The following ERICH6 variants were observed in gnomAD, a reference collection of about 807,000 sequenced individuals.
The protein encoded by ERICH6 is glutamate rich 6, also known as glutamate-rich protein 6.
ERICH6 carries 71 observed loss-of-function variants against 71.0 expected under a neutral mutation model. That is an observed-to-expected ratio of 1.00 (90% confidence interval 0.83 to 1.22). The LOEUF (loss-of-function observed/expected upper bound fraction) is 1.22, where lower values mean the gene tolerates loss of function less well. Ranked by LOEUF, ERICH6 falls within the 50% of genes most tolerant of loss-of-function variation. The pLI is 0.00. For missense variants in ERICH6, 808 were observed against 797.2 expected, an observed-to-expected ratio of 1.01 and a Z score of -0.16; for synonymous variants, 262 against 278.4, an observed-to-expected ratio of 0.94 and a Z score of 0.59.
intron 3 of ERICH6, among the ~76,000 whole-genome samples, chr3:150,697,120 C>A (rs748654633): frequency 6.6e-6 from 1 of 151,760 alleles, no homozygotes; most frequent in South Asian, 2.1e-4. Flanking sequence ...GCCTATTAAG[C>A]GAAAAAGCAA....
intron 11 of ERICH6, among the ~76,000 whole-genome samples, chr3:150,671,734 C>G (rs193246543): frequency 6.9e-4 from 105 of 152,290 alleles, no homozygotes; most frequent in African/African-American, 2.3e-3. Context: ...TCAGAAAAAT[C>G]CTCCCACCTC....
At position 150,676,875 on chromosome 3, in the gene ERICH6, G is replaced by A. The variant is rs549363376; in HGVS notation, c.1257+1534C>T. On this transcript the variant is annotated intron_variant, in intron 10 of 13. Coordinates refer to ENST00000295910, the MANE Select transcript of ERICH6 (RefSeq NM_152394.5). The stretch of plus-strand genomic sequence containing the variant: ...GTTGCCCAGGCTGGAGTGCAATGGC[G>A]CGATCTTGGCTCACTGCAACCTCTG... Among the ~76,000 whole-genome samples, 182 of 151,464 alleles carry A rather than the reference G, an allele frequency of 1.2e-3. No homozygotes were observed. In the South Asian group the frequency reaches 0.013, roughly 11 times the overall value.
chr3:150,665,758 G>A (rs946146066), intron 13 of ERICH6, among the ~76,000 whole-genome samples: 11 of 150,546 alleles, frequency 7.3e-5, no homozygotes, highest in African/African-American at 2.2e-4. Flanking sequence ...AACCTGGGAG[G>A]TGGAGGTTGC....
chr3:150,697,433 T>C (rs1712694974), intron 3 of ERICH6, among the ~76,000 whole-genome samples: 1 of 152,240 alleles, frequency 6.6e-6, no homozygotes, highest in Non-Finnish European at 1.5e-5. Flanking sequence ...TATTCTACAC[T>C]TATTTCACTC....
chr3:150,664,351 AAAGATGTAT>A (rs1158186423), intron 13 of ERICH6, among the ~76,000 whole-genome samples: 11 of 152,210 alleles, frequency 7.2e-5, no homozygotes, highest in Admixed American at 1.3e-4. Flanking sequence ...ATGTTTTAAA[AAAGATGTAT>A]AAAATAGGCT....
In ERICH6 at chr3:150,682,369, G is replaced by C. The variant is rs867827783; in HGVS notation, c.784-53C>G. 3.4e-5 allele frequency: 46 copies of C among 1,373,058 alleles called. 2 individuals are homozygous for C. The South Asian group carries it at 5.2e-4, about 16-fold the overall frequency. The allele number at this position is 1,373,058 out of a possible 1,614,324, so 85.1% of individuals were successfully genotyped here. A position where few individuals can be genotyped will look rare whatever the true frequency, so the allele number is the denominator to read the frequency against. Reference sequence around the variant, plus strand: ...GAAGTCCCCACAAAGAGGCCCAGAGGCTCTGAGAGCAGCAGGAGCACGACC... The same window carrying C: ...GAAGTCCCCACAAAGAGGCCCAGAGCCTCTGAGAGCAGCAGGAGCACGACC... On this transcript the variant is annotated intron_variant, in intron 6 of 13. Transcript: ENST00000295910.
intron 6 of ERICH6, among the ~76,000 whole-genome samples, chr3:150,685,465 A>G (rs567530468): frequency 1.3e-5 from 2 of 152,144 alleles, no homozygotes; most frequent in African/African-American, 2.4e-5. Context: ...ATTTTCCCCT[A>G]TATGTTGGCC....
At chr3:150,661,523 T>C (rs1036644308) in intron 13 of ERICH6, among the ~76,000 whole-genome samples, 1 of 152,182 alleles carries the variant, frequency 6.6e-6, no homozygotes, top group Non-Finnish European at 1.5e-5. Flanking sequence ...GAGAAACTTA[T>C]ACTCAAGGAA....
intron 6 of ERICH6, among the ~76,000 whole-genome samples, chr3:150,684,780 TTTTC>T (rs765742521): frequency 2.6e-5 from 4 of 152,080 alleles, no homozygotes; most frequent in African/African-American, 4.8e-5. Context: ...GTTTTGTTCT[TTTTC>T]TTTCTTTCTT....
At chr3:150,691,904 A>G (rs1712450910) in intron 3 of ERICH6, among the ~76,000 whole-genome samples, 1 of 152,118 alleles carries the variant, frequency 6.6e-6, no homozygotes, top group Non-Finnish European at 1.5e-5. Flanking sequence ...GTCAATCAAA[A>G]TAAACTGCAT....
At chr3:150,680,398 C>G (rs1234268223) in intron 9 of ERICH6, 70 bp downstream of exon 9, 1 of 1,496,508 alleles carries the variant, frequency 6.7e-7, no homozygotes, top group Non-Finnish European at 9.3e-7. Flanking sequence ...CCCATTTCAT[C>G]TTTTGGTTAA....
intron 13 of ERICH6, among the ~76,000 whole-genome samples, chr3:150,660,985 T>C (rs1727201820): frequency 6.6e-6 from 1 of 152,320 alleles, no homozygotes; most frequent in South Asian, 2.1e-4. Flanking sequence ...TAGTTCAGAA[T>C]CTTTTACCCC....
In ERICH6 at chr3:150,669,258, A is replaced by G. The variant is rs569489899; in HGVS notation, c.1499+38T>C. On this transcript the variant is annotated intron_variant, in intron 12 of 13. Transcript: ENST00000295910. Reference sequence around the variant, plus strand: ...AAAAAACAAAATTTCCCAGAACAAAAGCCACAAAATGGCAGCAGCAGGAAC... The same window carrying G: ...AAAAAACAAAATTTCCCAGAACAAAGGCCACAAAATGGCAGCAGCAGGAAC... 74 of 1,549,464 alleles carry G rather than the reference A, an allele frequency of 4.8e-5. 1 individual carries two copies. The South Asian group carries it at 9.0e-4, about 19-fold the overall frequency.
Position 150,682,211 on chromosome 3 carries a change from A to T in ERICH6, c.882+7T>A. On this transcript the variant is annotated splice_region_variant and intron_variant, in intron 7 of 13. Transcript: ENST00000295910. ...TATTTCCACAGTAAACCTGACTTAGAACTTACATGCCCTTTTGGTTCAGAG... is the reference window on the plus strand; with the variant it reads ...TATTTCCACAGTAAACCTGACTTAGTACTTACATGCCCTTTTGGTTCAGAG... 6.2e-7 allele frequency: 1 copy of T among 1,609,728 alleles called. No homozygotes were observed. Among genetic ancestry groups the T allele is most frequent in the East Asian group, 2.2e-5 (1 of 44,870 alleles).
At chr3:150,674,136 T>A (rs1200607447) in intron 10 of ERICH6, 95 bp from the exon 11 acceptor site, 2 of 934,118 alleles carry the variant, frequency 2.1e-6, no homozygotes, top group East Asian at 5.0e-5. Flanking sequence ...TAGACAGTCA[T>A]ACAAATCAAT....
intron 3 of ERICH6, among the ~76,000 whole-genome samples, chr3:150,696,681 A>G (rs1712668442): frequency 6.6e-6 from 1 of 152,208 alleles, no homozygotes; most frequent in African/African-American, 2.4e-5. Context: ...TATTATTGGT[A>G]TCAAGTTGCT....
chr3:150,691,954 C>T (rs1356041334), intron 3 of ERICH6, among the ~76,000 whole-genome samples: 1 of 152,028 alleles, frequency 6.6e-6, no homozygotes, highest in Non-Finnish European at 1.5e-5. Context: ...TATTCCACTC[C>T]TCAAGGCCCA....
chr3:150,701,844 C>T (rs960070672), intron 2 of ERICH6, among the ~76,000 whole-genome samples: 13 of 152,158 alleles, frequency 8.5e-5, no homozygotes, highest in Non-Finnish European at 1.6e-4. Flanking sequence ...ATTCAAAATT[C>T]TCAAGCACTT....
Position 150,685,962 on chromosome 3 carries a change from T to A in ERICH6, c.666+4A>T. ...TACTAGTTAGTATGATAAACATTTC[T>A]TACCTCCAGCTCATATAAAATATTT... On this transcript the variant is annotated splice_donor_region_variant and intron_variant, in intron 5 of 13. Coordinates refer to ENST00000295910, the MANE Select transcript of ERICH6 (RefSeq NM_152394.5). 1 of 1,603,718 alleles carries A rather than the reference T, an allele frequency of 6.2e-7. No homozygotes were observed. The highest frequency in any genetic ancestry group is 1.1e-5 in the South Asian group (1 of 90,892).
Sources: gnomAD v4.1 joint callset for allele counts (sites outside exome capture counted in the v4.1 genomes callset) on GRCh38, gnomAD v4.1.1 for gene constraint, MANE v1.5 for transcripts, NCBI Gene and HGNC (gene_info 2026-07-23, HGNC 2026-07-21) for gene names.